The following AATF variants were observed in gnomAD, a reference collection of about 807,000 sequenced individuals.
The protein encoded by AATF is protein AATF.
AATF carries 48 observed loss-of-function variants against 63.7 expected under a neutral mutation model. The ratio of observed to expected loss-of-function variants is 0.75; its 90% CI spans 0.60 to 0.96. AATF has a LOEUF of 0.96. Among genes scored for constraint, AATF ranks in the 40% least tolerant of loss-of-function variants. The pLI is 0.00. For synonymous variants in AATF, 258 were observed against 247.7 expected (o/e 1.04, Z -0.39); for missense variants, 639 against 685.7 (o/e 0.93, Z 0.76).
chr17:37,051,032 C>T (rs552748054), intron 11 of AATF: 24 of 152,364 alleles, frequency 1.6e-4, no homozygotes, highest in African/African-American at 5.5e-4. Flanking sequence ...ACCTCAACCT[C>T]CCAAAGTGCT....
intron 4 of AATF, among the ~76,000 whole-genome samples, chr17:36,973,666 T>C (rs2071057027): frequency 6.6e-6 from 1 of 152,256 alleles, no homozygotes; most frequent in Non-Finnish European, 1.5e-5. Flanking sequence ...TCAGCTGATC[T>C]AGTTCCTTCT....
intron 8 of AATF, chr17:36,999,793 C>A (rs2142261794): frequency 6.6e-6 from 1 of 152,368 alleles, no homozygotes; most frequent in Non-Finnish European, 1.5e-5. Context: ...ATGCAGTTGT[C>A]TGGGGGAAGA....
intron 4 of AATF, among the ~76,000 whole-genome samples, chr17:36,985,758 C>G (rs913780956): frequency 6.6e-6 from 1 of 151,658 alleles, no homozygotes; most frequent in African/African-American, 2.4e-5. Flanking sequence ...ACCATGTTGG[C>G]TAGGCTGGTC....
chr17:36,996,285 AT>A (rs928182485), intron 8 of AATF, among the ~76,000 whole-genome samples: 1 of 152,144 alleles, frequency 6.6e-6, no homozygotes, highest in African/African-American at 2.4e-5. Flanking sequence ...TGCAAAAAAA[AT>A]GAGTCAGATG....
At chr17:37,031,478 T>A (rs2071551456) in intron 10 of AATF, 136 bp from the exon 11 acceptor site, 1 of 726,084 alleles carries the variant, frequency 1.4e-6, no homozygotes, top group Non-Finnish European at 2.5e-6. Context: ...TAAGTGCCTA[T>A]GAATTTTTCC....
chr17:37,027,174 A>G (rs771053657), intron 10 of AATF, among the ~76,000 whole-genome samples: 3 of 152,228 alleles, frequency 2.0e-5, no homozygotes, highest in Non-Finnish European at 4.4e-5. Flanking sequence ...TACAGTAATT[A>G]TAATTATTGA....
chr17:37,031,756 T>C, intron 11 of AATF, 71 bp downstream of exon 11: 1 of 1,213,760 alleles, frequency 8.2e-7, no homozygotes, highest in Non-Finnish European at 1.2e-6. Context: ...TCTACAGCCT[T>C]CGCCCTCTCC....
chr17:36,974,226 A>T (rs956528987), intron 4 of AATF, among the ~76,000 whole-genome samples: 4 of 152,236 alleles, frequency 2.6e-5, no homozygotes, highest in African/African-American at 7.2e-5. Context: ...TACTTAGAAC[A>T]AAAATGGGAC....
chr17:37,035,414 GA>G (rs2071584074), intron 11 of AATF, among the ~76,000 whole-genome samples: 1 of 151,570 alleles, frequency 6.6e-6, no homozygotes, highest in Non-Finnish European at 1.5e-5. Context: ...TATTCAGTTG[GA>G]AAATATTAAA....
chr17:36,952,694 G>A (rs547591864), intron 2 of AATF, among the ~76,000 whole-genome samples, 192 bp from the exon 3 acceptor site: 59 of 152,306 alleles, frequency 3.9e-4, no homozygotes, highest in Non-Finnish European at 6.3e-4. Context: ...GGTAGGACCC[G>A]TGTTCTATTC....
intron 11 of AATF, 33 bp downstream of exon 11, chr17:37,031,718 G>A: frequency 6.4e-7 from 1 of 1,552,380 alleles, no homozygotes; most frequent in Admixed American, 1.7e-5. Context: ...GTCTCAAATG[G>A]CTTCATGACA....
chr17:37,037,447 C>T lies in AATF; in HGVS notation c.1619+5762C>T, dbSNP rs146172269. On this transcript the variant is annotated intron_variant, in intron 11 of 11. Coordinates refer to ENST00000619387, the MANE Select transcript of AATF (RefSeq NM_012138.4). The stretch of plus-strand genomic sequence containing the variant: ...CTAAGCATATTATCACCAGCAAGAG[C>T]GGGTCAGTACTTTACTTGCATGATT... Among the ~76,000 whole-genome samples the T allele has an allele frequency of 5.5e-4, 83 of 152,264 alleles. 1 individual carries two copies. Among genetic ancestry groups the T allele is most frequent in the African/African-American group, 1.6e-3 (67 of 41,528 alleles).
intron 4 of AATF, among the ~76,000 whole-genome samples, chr17:36,964,734 T>C (rs2070977427): frequency 6.6e-6 from 1 of 152,156 alleles, no homozygotes; most frequent in Non-Finnish European, 1.5e-5. Context: ...TTCCTATTTA[T>C]TTATTTTTTC....
At chr17:36,958,411 C>T (rs2070919548) in intron 4 of AATF, among the ~76,000 whole-genome samples, 1 of 152,154 alleles carries the variant, frequency 6.6e-6, no homozygotes, top group Admixed American at 6.5e-5. Context: ...GTGATCCACC[C>T]ACCTTGGCCT....
intron 11 of AATF, 64 bp from the exon 12 acceptor site, chr17:37,056,537 C>T (rs1413134180): frequency 9.1e-6 from 14 of 1,538,572 alleles, no homozygotes; most frequent in Middle Eastern, 1.7e-4. Flanking sequence ...CCAGCTTCTG[C>T]GTTCCTTTTT....
Position 36,986,748 on chromosome 17 carries a change from A to G in AATF, c.947+17A>G, listed in dbSNP as rs764727733. The G allele has an allele frequency of 3.2e-5, 50 of 1,584,714 alleles. No individual in the cohort carries two copies. Among genetic ancestry groups the G allele is most frequent in the Non-Finnish European group, 4.2e-5 (49 of 1,154,276 alleles). On this transcript the variant is annotated intron_variant, in intron 5 of 11. Transcript: ENST00000619387. ...TGCGGGAAGGTAAGAGAACAGAATCATGGAGTTGCTTATTTTCTTTTCATT... is the reference window on the plus strand; with the variant it reads ...TGCGGGAAGGTAAGAGAACAGAATCGTGGAGTTGCTTATTTTCTTTTCATT...
chr17:37,036,570 C>A (rs1356876848), intron 11 of AATF, among the ~76,000 whole-genome samples: 1 of 151,826 alleles, frequency 6.6e-6, no homozygotes, highest in Admixed American at 6.6e-5. Flanking sequence ...TTTTCTCACG[C>A]TAAGAATTTT....
intron 4 of AATF, among the ~76,000 whole-genome samples, 194 bp downstream of exon 4, chr17:36,954,101 T>C (rs1278061736): frequency 7.1e-6 from 1 of 141,166 alleles, no homozygotes; most frequent in Non-Finnish European, 1.5e-5. Context: ...AGAGTCTCGC[T>C]CTGTTGCTGA....
Position 36,954,559 on chromosome 17 carries a change from T to C in AATF, c.832+652T>C, listed in dbSNP as rs576847792. 4.6e-5 allele frequency among the ~76,000 whole-genome samples: 7 copies of C among 152,342 alleles called. No homozygotes were observed. In the East Asian group the frequency reaches 1.3e-3, roughly 29 times the overall value. ...GCTAAGATGATCTTATTTATATCTT[T>C]CTTTGAGTGACATAGAGTGAGGAAA... On this transcript the variant is annotated intron_variant, in intron 4 of 11. Coordinates refer to ENST00000619387, the MANE Select transcript of AATF (RefSeq NM_012138.4).
Sources: gnomAD v4.1 joint callset for allele counts (sites outside exome capture counted in the v4.1 genomes callset) on GRCh38, gnomAD v4.1.1 for gene constraint, MANE v1.5 for transcripts, NCBI Gene and HGNC (gene_info 2026-07-23, HGNC 2026-07-21) for gene names.